The following CCDC30 variants were observed in gnomAD, a reference collection of about 807,000 sequenced individuals.
CCDC30 encodes the protein coiled-coil domain containing 30.
A neutral mutation model predicts 100.2 loss-of-function variants in CCDC30; 70 were observed. The ratio of observed to expected loss-of-function variants is 0.70; its 90% CI spans 0.58 to 0.85. The LOEUF (loss-of-function observed/expected upper bound fraction) is 0.85. Ranked by LOEUF, CCDC30 falls within the 40% of genes least tolerant of loss-of-function variation. The pLI, the probability that CCDC30 is intolerant of heterozygous loss-of-function variation, is 0.00. For synonymous variants in CCDC30, 233 were observed against 269.5 expected (o/e 0.86, Z 1.33); for missense variants, 652 against 771.2 (o/e 0.85, Z 1.83).
intron 11 of CCDC30, among the ~76,000 whole-genome samples, chr1:42,614,081 T>A (rs1258967528): frequency 3.4e-5 from 5 of 148,992 alleles, no homozygotes; most frequent in Non-Finnish European, 7.4e-5. Context: ...TCCCCAATAT[T>A]CTTTTTTTTT....
rs181915364 is a variant in CCDC30, at chr1:42,627,155, G to A, written c.1278-10082G>A. On this transcript the variant is annotated intron_variant, in intron 11 of 16. Transcript: ENST00000668663. Reference sequence around the variant, plus strand: ...CCAGGCTGAGATGGTCTCAGATGGAGATGAGGAACTTGTTGGGAACTGGAG... The same window carrying A: ...CCAGGCTGAGATGGTCTCAGATGGAAATGAGGAACTTGTTGGGAACTGGAG... 4.1e-3 allele frequency among the ~76,000 whole-genome samples: 632 copies of A among 152,322 alleles called. 4 individuals carry two copies. Among genetic ancestry groups the A allele is most frequent in the Non-Finnish European group, 5.9e-3 (399 of 68,018 alleles).
At chr1:42,570,638 T>C (rs1049474986) in intron 7 of CCDC30, among the ~76,000 whole-genome samples, 3 of 152,184 alleles carry the variant, frequency 2.0e-5, no homozygotes, top group Non-Finnish European at 2.9e-5. Context: ...CTTTACTTTA[T>C]AGTTTTATCA....
chr1:42,545,365 A>T lies in CCDC30; in HGVS notation c.457-20931A>T, dbSNP rs771419074. ...TATACTTTTTTTCACAGCTATAAAT[A>T]AAAGTATGCAAAATAGAATATTTGT... is the stretch of plus-strand genomic sequence containing the variant. On this transcript the variant is annotated intron_variant, in intron 6 of 16. Transcript: ENST00000668663. The T allele has an allele frequency of 5.5e-6, 8 of 1,464,106 alleles. No homozygotes were observed. In the South Asian group the frequency reaches 9.6e-5, roughly 17 times the overall value. 90.7% of individuals were successfully genotyped at this position (1,464,106 alleles called of 1,614,324 possible). A position where few individuals can be genotyped will look rare whatever the true frequency, so the allele number is the denominator to read the frequency against.
At chr1:42,650,497 A>ATGTGTGTGTGTGTGTGTGTG (rs57051349) in intron 15 of CCDC30, among the ~76,000 whole-genome samples, 6 of 136,294 alleles carry the variant, frequency 4.4e-5, no homozygotes, top group Admixed American at 1.5e-4. Context: ...AAAAATATAT[A>ATGTGTGTGTGTGTGTGTGTG]TGTGTGTGTG....
intron 3 of CCDC30, among the ~76,000 whole-genome samples, chr1:42,485,806 C>T (rs551921373): frequency 1.3e-5 from 2 of 152,118 alleles, no homozygotes; most frequent in South Asian, 4.2e-4. Context: ...TTTAATCACC[C>T]CACAATATAA....
chr1:42,457,483 GCCCT>G, the CCDC30 span: 10 of 742,194 alleles, frequency 1.3e-5, no homozygotes, highest in Non-Finnish European at 2.3e-5. Flanking sequence ...ATAAGACACC[GCCCT>G]CCCTCATGGA....
downstream of CCDC30, among the ~76,000 whole-genome samples, chr1:42,655,186 T>A (rs1296319271): frequency 6.6e-6 from 1 of 152,216 alleles, no homozygotes. Context: ...GTTCTATAAT[T>A]ATTTTTATGG....
chr1:42,535,699 T>TATATATATAATATATATATATATA (rs1553190459), intron 6 of CCDC30, among the ~76,000 whole-genome samples: 1 of 13,146 alleles, frequency 7.6e-5, no homozygotes, highest in African/African-American at 4.1e-4. Flanking sequence ...ATCACTACTA[T>TATATATATAATATATATATATATA]ATATATATAT....
At chr1:42,598,558 GA>G (rs1269993947) in intron 10 of CCDC30, among the ~76,000 whole-genome samples, 1 of 151,904 alleles carries the variant, frequency 6.6e-6, no homozygotes, top group Non-Finnish European at 1.5e-5. Flanking sequence ...ACAAAAGGCA[GA>G]AAAAGCATGG....
At chr1:42,487,889 G>C (rs1339187935) in intron 3 of CCDC30, among the ~76,000 whole-genome samples, 2 of 152,158 alleles carry the variant, frequency 1.3e-5, no homozygotes, top group Non-Finnish European at 2.9e-5. Flanking sequence ...GTAAGACTTT[G>C]ATCACAGAAC....
chr1:42,456,648 C>T, the CCDC30 span: 4 of 1,588,008 alleles, frequency 2.5e-6, no homozygotes, highest in South Asian at 2.3e-5. Context: ...CGCTTCGCGG[C>T]CAGGCTGGGC....
chr1:42,621,176 G>C (rs1472981019), intron 11 of CCDC30, among the ~76,000 whole-genome samples: 2 of 152,132 alleles, frequency 1.3e-5, no homozygotes, highest in African/African-American at 4.8e-5. Context: ...TACATAGTAG[G>C]TGTGTGTATT....
At chr1:42,528,085 C>T (rs1353105107) in intron 6 of CCDC30, among the ~76,000 whole-genome samples, 3 of 152,030 alleles carry the variant, frequency 2.0e-5, no homozygotes, top group Admixed American at 1.3e-4. Flanking sequence ...AGGCTGGTCT[C>T]GAACTCCTGA....
chr1:42,542,592 G>C (rs1157935906), intron 6 of CCDC30, among the ~76,000 whole-genome samples: 1 of 97,708 alleles, frequency 1.0e-5, no homozygotes, highest in Non-Finnish European at 2.2e-5. Context: ...CGCCCAGGCC[G>C]GACTGCGGAC....
chr1:42,625,079 A>G lies in CCDC30; in HGVS notation c.1278-12158A>G, dbSNP rs796317773. On this transcript the variant is annotated intron_variant, in intron 11 of 16. Transcript: ENST00000668663. ...TTCCTTATTTGTTATTGGTCTGTTC[A>G]GGTTTTAGATTTTTTCATGGTTCAA... Among the ~76,000 whole-genome samples the G allele has an allele frequency of 3.3e-5, 5 of 151,822 alleles. No individual in the cohort carries two copies. The South Asian group carries it at 8.3e-4, about 25-fold the overall frequency.
At chr1:42,470,579 A>G (rs1272659405) in intron 1 of CCDC30, among the ~76,000 whole-genome samples, 1 of 152,258 alleles carries the variant, frequency 6.6e-6, no homozygotes, top group Non-Finnish European at 1.5e-5. Flanking sequence ...CAACAGGTGA[A>G]TGTATAAATA....
At chr1:42,618,229 C>CG (rs1646761769) in intron 11 of CCDC30, among the ~76,000 whole-genome samples, 1 of 90,462 alleles carries the variant, frequency 1.1e-5, no homozygotes, top group Non-Finnish European at 2.1e-5. Context: ...CCAGTGATAT[C>CG]TTTTTTTTTT....
intron 6 of CCDC30, 151 bp downstream of exon 8, chr1:42,539,461 T>C: frequency 1.8e-6 from 1 of 551,566 alleles, no homozygotes. Flanking sequence ...TGCCATATAC[T>C]GTGGATTATG....
At chr1:42,576,140 A>G (rs1485823025) in intron 7 of CCDC30, among the ~76,000 whole-genome samples, 1 of 152,238 alleles carries the variant, frequency 6.6e-6, no homozygotes, top group African/African-American at 2.4e-5. Context: ...ATGTTTTTAA[A>G]AGAAAATTTG....
Sources: allele counts gnomAD v4.1 joint callset (sites outside exome capture counted in the v4.1 genomes callset), GRCh38; gene constraint gnomAD v4.1.1; transcripts MANE v1.5; gene names NCBI Gene and HGNC (gene_info 2026-07-23, HGNC 2026-07-21).